GAREM2: variants seen among roughly 807,000 people sequenced by gnomAD.
GAREM2 encodes GRB2 associated regulator of MAPK1 subtype 2.
Under a neutral mutation model 55.6 loss-of-function variants are expected in GAREM2, and 30 were observed. That is an observed-to-expected ratio of 0.54 (90% CI 0.40 to 0.73). The LOEUF (loss-of-function observed/expected upper bound fraction) is 0.73. GAREM2 is among the 30% of genes least tolerant of loss of function. The probability of loss-of-function intolerance (pLI) is 0.00; values close to 1 mark genes in which losing one functional copy is unlikely to be tolerated. For missense variants in GAREM2, 1,075 were observed against 1,257.7 expected (o/e 0.85, Z 2.20); for synonymous variants, 550 against 569.1 (o/e 0.97, Z 0.48).
chr2:26,204,113 T>C, the GAREM2 span: 2 of 1,613,844 alleles, frequency 1.2e-6, no homozygotes, highest in African/African-American at 2.7e-5. Flanking sequence ...GGTGGCATCT[T>C]TAAGTATAGT....
chr2:26,182,667 C>T (rs1450617169), intron 2 of GAREM2, among the ~76,000 whole-genome samples: 3 of 152,202 alleles, frequency 2.0e-5, no homozygotes, highest in Non-Finnish European at 4.4e-5. Flanking sequence ...ATGTTTGGGG[C>T]TATTTGCAGT....
chr2:26,193,906 GTGCTATTTCAT>G, downstream of GAREM2: 1 of 699,614 alleles, frequency 1.4e-6, no homozygotes, highest in Non-Finnish European at 2.5e-6. Context: ...CCCAGGACTG[GTGCTATTTCAT>G]TCAGGGAAGC....
At chr2:26,173,535 A>G (rs908159028) in intron 1 of GAREM2, among the ~76,000 whole-genome samples, 3 of 151,574 alleles carry the variant, frequency 2.0e-5, no homozygotes, top group African/African-American at 7.3e-5. Flanking sequence ...GCGGACAAGC[A>G]CAGGCACAGA....
chr2:26,181,393 G>A (rs1669047205), intron 2 of GAREM2: 1 of 153,004 alleles, frequency 6.5e-6, no homozygotes, highest in Non-Finnish European at 1.5e-5. Context: ...TGATTCTTAA[G>A]GTGCAGCTCA....
rs749718476 is a variant in GAREM2, at chr2:26,184,633, G to C, written c.785G>C (p.Arg262Thr). 6.5e-7 allele frequency: 1 copy of C among 1,547,362 alleles called. No homozygotes were observed. Among genetic ancestry groups the C allele is most frequent in the South Asian group, 1.2e-5 (1 of 83,828 alleles). Residue 262 changes from arginine to threonine, a missense_variant, in exon 4 of 6, where the codon AGG becomes ACG. By Grantham distance (71) the Arg-to-Thr change is moderately conservative. Around this residue, in one of 6 missense-constraint regions of GAREM2, gnomAD observed 170 missense variants for 220.7 expected, o/e 0.77. Coordinates refer to ENST00000401533, the MANE Select transcript of GAREM2 (RefSeq NM_001168241.2). ...GTGCGCGCCATCATCGAGCGCGTGA[G>C]GCTGCCGGTGAACGTGCTGGTGCCC... The part of the protein sequence containing the change: ...HTVRAIIERV[R>T]LPVNVLVPSR...
downstream of GAREM2, chr2:26,190,754 G>T (rs1669469642): frequency 9.4e-6 from 2 of 212,476 alleles, no homozygotes; most frequent in Admixed American, 5.2e-5. Context: ...TCTCATCCCA[G>T]TCCCTCCCTA....
the GAREM2 span, among the ~76,000 whole-genome samples, chr2:26,197,276 A>C: frequency 6.6e-6 from 1 of 152,174 alleles, no homozygotes; most frequent in Non-Finnish European, 1.5e-5. Flanking sequence ...AGAAGGTGTA[A>C]GCAAACCCAC....
Position 26,188,694 on chromosome 2 carries a change from T to A in GAREM2, c.*437T>A, listed in dbSNP as rs1234679985. 1.9e-5 allele frequency: 3 copies of A among 156,436 alleles called. No individual in the cohort carries two copies. Among genetic ancestry groups the A allele is most frequent in the Non-Finnish European group, 4.2e-5 (3 of 71,086 alleles). 9.7% of individuals were successfully genotyped at this position (156,436 alleles called of 1,614,324 possible). A position where few individuals can be genotyped will look rare whatever the true frequency, so the allele number is the denominator to read the frequency against. On this transcript the variant is annotated 3_prime_UTR_variant, in exon 6 of 6. Transcript: ENST00000401533. ...GCACCGATTTCCCAAGTGCCCACTC[T>A]CCTTTGTGCTCTGTTGGCTTTTGGC...
the GAREM2 span, among the ~76,000 whole-genome samples, chr2:26,194,832 A>C: frequency 6.6e-6 from 1 of 152,020 alleles, no homozygotes; most frequent in African/African-American, 2.4e-5. Flanking sequence ...GCTTGAATCA[A>C]ACAGTACAGC....
rs573445583 is a variant in GAREM2, at chr2:26,179,391, A to C, written c.253+2907A>C. 6.6e-6 allele frequency among the ~76,000 whole-genome samples: 1 copy of C among 152,344 alleles called. No homozygotes were observed. Among genetic ancestry groups the C allele is most frequent in the South Asian group, 2.1e-4 (1 of 4,828 alleles). The stretch of plus-strand genomic sequence containing the variant: ...TTTGCCCAAGGTCACACAGCTGGCT[A>C]GTGGCAGGGTGGGATTCAGCCAGAT... On this transcript the variant is annotated intron_variant, in intron 2 of 5. Transcript: ENST00000401533. The surrounding 1 kb of genome is among the most constrained non-coding windows in gnomAD (Gnocchi z 4.7).
In GAREM2 at chr2:26,187,334, C is replaced by T. The variant is rs747174413; in HGVS notation, c.1702C>T (p.Arg568Cys). 2.6e-5 allele frequency: 40 copies of T among 1,539,102 alleles called. No individual in the cohort carries two copies. The highest frequency in any genetic ancestry group is 3.2e-5 in the Non-Finnish European group (37 of 1,140,060). ...CTGCAAGGTGGGCGAGTCCTCTAGC[C>T]GCCCAGCCCCCGGTCCCCTACCCTC... ...GDCKVGESSS[R>C]PAPGPLPSTT... Residue 568 changes from arginine to cysteine, a missense_variant, in exon 6 of 6, where the codon CGC becomes TGC. Transcript: ENST00000401533.
rs562172657 is a variant in GAREM2, at chr2:26,179,466, G to A, written c.253+2982G>A. ...TTTACCCACGTTCTTTACTGAGTGT[G>A]TGCTGTGGGGCAGGCATGGAGAAGG... On this transcript the variant is annotated intron_variant, in intron 2 of 5. Transcript: ENST00000401533. The surrounding 1 kb of genome is among the most constrained non-coding windows in gnomAD (Gnocchi z 4.7). Among the ~76,000 whole-genome samples, 1 of 152,290 alleles carries A rather than the reference G, an allele frequency of 6.6e-6. No individual in the cohort carries two copies. The highest frequency in any genetic ancestry group is 1.9e-4 in the East Asian group (1 of 5,176).
At position 26,188,238 on chromosome 2, in the gene GAREM2, G is replaced by C. The variant is rs1448272535; in HGVS notation, c.2606G>C (p.Gly869Ala). Residue 869 changes from glycine to alanine, a missense_variant, in exon 6 of 6, where the codon GGC becomes GCC. Around this residue, in one of 6 missense-constraint regions of GAREM2, gnomAD observed 142 missense variants for 172.3 expected, o/e 0.82. Transcript: ENST00000401533. ...AAGAAGATCATGCAGTTCATCAAAG[G>C]CTGGAGGCCCAAGATCTGAACTGCC... ...QVKKIMQFIKGWRPKI is the reference protein window; with the variant it reads ...QVKKIMQFIKAWRPKI 6.7e-7 allele frequency: 1 copy of C among 1,486,518 alleles called. No individual in the cohort carries two copies. The highest frequency in any genetic ancestry group is 2.2e-5 in the Admixed American group (1 of 45,768). 92.1% of individuals were successfully genotyped at this position (1,486,518 alleles called of 1,614,324 possible). A position where few individuals can be genotyped will look rare whatever the true frequency, so the allele number is the denominator to read the frequency against.
rs1192491698 is a variant in GAREM2 at position 26,187,315 on chromosome 2, G to T, written c.1683G>T (p.Lys561Asn). 1.3e-6 allele frequency: 2 copies of T among 1,527,316 alleles called. No individual in the cohort carries two copies. Among genetic ancestry groups the T allele is most frequent in the Non-Finnish European group, 1.8e-6 (2 of 1,134,768 alleles). 94.6% of individuals were successfully genotyped at this position (1,527,316 alleles called of 1,614,324 possible). A position where few individuals can be genotyped will look rare whatever the true frequency, so the allele number is the denominator to read the frequency against. Residue 561 changes from lysine to asparagine, a missense_variant, in exon 6 of 6, where the codon AAG becomes AAT. Physicochemically the swap from Lys to Asn is moderately conservative, Grantham distance 94. Transcript: ENST00000401533. ...YCYPCTWGDC[K>N]VGESSSRPAP... Reference sequence around the variant, plus strand: ...ACCCATGCACCTGGGGAGACTGCAAGGTGGGCGAGTCCTCTAGCCGCCCAG... The same window carrying T: ...ACCCATGCACCTGGGGAGACTGCAATGTGGGCGAGTCCTCTAGCCGCCCAG...
At chr2:26,186,832 G>A (rs1358304559) in intron 5 of GAREM2, among the ~76,000 whole-genome samples, 1 of 152,114 alleles carries the variant, frequency 6.6e-6, no homozygotes, top group East Asian at 1.9e-4. Flanking sequence ...AAAATTAGCC[G>A]GGCATTACGG....
downstream of GAREM2, chr2:26,190,564 A>G (rs1323369638): frequency 6.4e-6 from 1 of 155,296 alleles, no homozygotes; most frequent in Non-Finnish European, 1.4e-5. Context: ...CGTTCCCACA[A>G]CCATCCCAAG....
chr2:26,199,090 G>T, the GAREM2 span, among the ~76,000 whole-genome samples: 1 of 152,000 alleles, frequency 6.6e-6, no homozygotes. Context: ...TAAAGACAGG[G>T]TTTCATCATC....
chr2:26,204,087 G>A, the GAREM2 span: 4 of 1,613,766 alleles, frequency 2.5e-6, no homozygotes, highest in Non-Finnish European at 3.4e-6. Context: ...TGCTGTCCTC[G>A]GTCTAGCGCA....
In GAREM2 at chr2:26,180,988, CCTT is replaced by C. The variant is rs562512766; in HGVS notation, c.254-1973_254-1971del. The C allele has an allele frequency of 1.7e-4, 168 of 985,604 alleles. 1 individual carries two copies. In the African/African-American group the frequency reaches 2.8e-3, roughly 16 times the overall value. 61.1% of individuals were successfully genotyped at this position (985,604 alleles called of 1,614,324 possible). ...TGAGTCCCTTCCTTCCCCACCTCCC[CCTT>C]CTTCTGTCACCCAAGCCTGCTGGGT... On this transcript the variant is annotated intron_variant, in intron 2 of 5. Transcript: ENST00000401533.
Sources: gnomAD v4.1 joint callset for allele counts (sites outside exome capture counted in the v4.1 genomes callset) on GRCh38, gnomAD v4.1.1 for gene constraint, gnomAD v4.1.1 regional missense constraint, Gnocchi (gnomAD v3.1) non-coding constraint, MANE v1.5 for transcripts, NCBI Gene and HGNC (gene_info 2026-07-23, HGNC 2026-07-21) for gene names.